SVIP: variants seen among roughly 807,000 people sequenced by gnomAD.
SVIP encodes small VCP interacting protein.
In SVIP, 14 loss-of-function variants were observed where a neutral mutation model predicts 12.9. The observed-to-expected ratio is 1.08, with a 90% CI of 0.72 to 1.70. The LOEUF is 1.70. Among genes scored for constraint, SVIP ranks in the 40% most tolerant of loss-of-function variants. The pLI, the probability that SVIP is intolerant of heterozygous loss-of-function variation, is 0.00. For missense variants in SVIP, 93 were observed against 90.8 expected (o/e 1.02, Z -0.10); for synonymous variants, 35 against 33.3 (o/e 1.05, Z -0.17).
At chr11:22,827,678 A>T in intron 2 of SVIP, 146 bp downstream of exon 2, 1 of 518,934 alleles carries the variant, frequency 1.9e-6, no homozygotes, top group South Asian at 3.1e-5. Flanking sequence ...TAAATAAGGA[A>T]ATCATTTTGA....
chr11:22,823,737 G>A (rs1056553898), intron 3 of SVIP, among the ~76,000 whole-genome samples: 1 of 152,052 alleles, frequency 6.6e-6, no homozygotes, highest in African/African-American at 2.4e-5. Flanking sequence ...GTTTTGTTTT[G>A]GGATTTTCTT....
chr11:22,822,226 TG>T lies in SVIP; in HGVS notation c.*892del, dbSNP rs373546642. ...ACCTTTTGTAAGTACAGTACCTACA[TG>T]TTTTTTTCATACATTCATACTTGCC... On this transcript the variant is annotated 3_prime_UTR_variant, in exon 4 of 4. Transcript: ENST00000354193. 1.9e-3 allele frequency: 289 copies of T among 152,296 alleles called. 2 individuals carry two copies. Among genetic ancestry groups the T allele is most frequent in the African/African-American group, 6.8e-3 (282 of 41,578 alleles). 9.4% of individuals were successfully genotyped at this position (152,296 alleles called of 1,614,324 possible).
intron 1 of SVIP, among the ~76,000 whole-genome samples, chr11:22,828,438 C>T (rs1857807597): frequency 6.6e-6 from 1 of 152,118 alleles, no homozygotes; most frequent in African/African-American, 2.4e-5. Context: ...TGTCTCCTCC[C>T]AAATGAAACA....
At chr11:22,828,562 T>G (rs1484839693) in intron 1 of SVIP, among the ~76,000 whole-genome samples, 1 of 152,118 alleles carries the variant, frequency 6.6e-6, no homozygotes, top group Non-Finnish European at 1.5e-5. Flanking sequence ...GAATATATTT[T>G]GTTTAACGTG....
chr11:22,824,919 C>T (rs2134754819), intron 3 of SVIP, among the ~76,000 whole-genome samples: 1 of 152,234 alleles, frequency 6.6e-6, no homozygotes, highest in African/African-American at 2.4e-5. Context: ...AGCCATTGTA[C>T]TAGAGGTCTA....
In SVIP at chr11:22,824,738, C is replaced by T. The variant is rs549112160; in HGVS notation, c.220-1605G>A. On this transcript the variant is annotated intron_variant, in intron 3 of 3. Transcript: ENST00000354193. Reference sequence around the variant, plus strand: ...TCTCTCTTAGGACAAGTGTTATAAACGCTAGGATAGTGATTCTCAATCTGG... The same window carrying T: ...TCTCTCTTAGGACAAGTGTTATAAATGCTAGGATAGTGATTCTCAATCTGG... 8.5e-5 allele frequency among the ~76,000 whole-genome samples: 13 copies of T among 152,096 alleles called. No individual in the cohort carries two copies. In the South Asian group the frequency reaches 1.2e-3, roughly 15 times the overall value.
rs1251236710 is a variant in SVIP, at chr11:22,819,176, G to A, written c.*3943C>T. ...TGAGAATTTTCTACCTGAGACACTT[G>A]GTATTAACCTACTTTAAATATATCT... On this transcript the variant is annotated 3_prime_UTR_variant, in exon 4 of 4. Coordinates refer to ENST00000354193, the MANE Select transcript of SVIP (RefSeq NM_148893.3). 1 of 151,988 alleles carries A rather than the reference G, an allele frequency of 6.6e-6. No individual in the cohort carries two copies. The highest frequency in any genetic ancestry group is 2.4e-5 in the African/African-American group (1 of 41,376). 9.4% of individuals were successfully genotyped at this position (151,988 alleles called of 1,614,324 possible).
At chr11:22,823,732 G>C (rs1057006364) in intron 3 of SVIP, among the ~76,000 whole-genome samples, 1 of 152,094 alleles carries the variant, frequency 6.6e-6, no homozygotes, top group Non-Finnish European at 1.5e-5. Flanking sequence ...TTTTGGTTTT[G>C]TTTTGGGATT....
intron 3 of SVIP, among the ~76,000 whole-genome samples, chr11:22,825,420 A>C (rs1024045318): frequency 2.0e-5 from 3 of 152,124 alleles, no homozygotes; most frequent in Non-Finnish European, 4.4e-5. Context: ...GTGATGAGGA[A>C]TATTCCAAGG....
rs2134739770 is a variant in SVIP at position 22,821,246 on chromosome 11, C to G, written c.*1873G>C. 6.6e-6 allele frequency: 1 copy of G among 151,220 alleles called. No individual in the cohort carries two copies. The highest frequency in any genetic ancestry group is 2.1e-4 in the South Asian group (1 of 4,804). The allele number at this position is 151,220 out of a possible 1,614,324, so 9.4% of individuals were successfully genotyped here. On this transcript the variant is annotated 3_prime_UTR_variant, in exon 4 of 4. Transcript: ENST00000354193. ...GTCACTTCTTTTCCCTTGCCCTTTC[C>G]TAACACTGTTCCTAACATTTGGGTA...
chr11:22,824,471 T>TAC (rs1448302489), intron 3 of SVIP, among the ~76,000 whole-genome samples: 1 of 145,170 alleles, frequency 6.9e-6, no homozygotes, highest in Non-Finnish European at 1.5e-5. Flanking sequence ...CACATATATA[T>TAC]ACGTATATAT....
intron 3 of SVIP, among the ~76,000 whole-genome samples, chr11:22,826,818 G>A (rs141435733): frequency 3.3e-4 from 50 of 152,150 alleles, no homozygotes; most frequent in Admixed American, 5.2e-4. Flanking sequence ...AACTTATAGC[G>A]TAATCCAATT....
chr11:22,821,663 A>G lies in SVIP; in HGVS notation c.*1456T>C, dbSNP rs1857490971. On this transcript the variant is annotated 3_prime_UTR_variant, in exon 4 of 4. Transcript: ENST00000354193. ...CATTTTAATAAAATCAAAAATTTTC[A>G]TTCTAAAATATAGTTCAATGATTTC... 1 of 152,206 alleles carries G rather than the reference A, an allele frequency of 6.6e-6. No individual in the cohort carries two copies. Among genetic ancestry groups the G allele is most frequent in the Non-Finnish European group, 1.5e-5 (1 of 68,026 alleles). The allele number at this position is 152,206 out of a possible 1,614,324, so 9.4% of individuals were successfully genotyped here. A position where few individuals can be genotyped will look rare whatever the true frequency, so the allele number is the denominator to read the frequency against.
rs1385052243 is a variant in SVIP, at chr11:22,820,277, G to A, written c.*2842C>T. The A allele has an allele frequency of 1.3e-5, 2 of 152,148 alleles. No individual in the cohort carries two copies. Among genetic ancestry groups the A allele is most frequent in the African/African-American group, 4.8e-5 (2 of 41,438 alleles). The allele number at this position is 152,148 out of a possible 1,614,324, so 9.4% of individuals were successfully genotyped here. On this transcript the variant is annotated 3_prime_UTR_variant, in exon 4 of 4. Coordinates refer to ENST00000354193, the MANE Select transcript of SVIP (RefSeq NM_148893.3). ...TAAGAACATAGCATAATGCTTATCA[G>A]TGAAAATAAAAAGTCAAACATTTGG...
At chr11:22,828,920 C>T (rs1314218264) in intron 1 of SVIP, among the ~76,000 whole-genome samples, 3 of 152,166 alleles carry the variant, frequency 2.0e-5, no homozygotes, top group Non-Finnish European at 2.9e-5. Context: ...TGTAAAGATA[C>T]TGTTAACAGA....
At chr11:22,824,896 A>C (rs1169186424) in intron 3 of SVIP, among the ~76,000 whole-genome samples, 1 of 152,134 alleles carries the variant, frequency 6.6e-6, no homozygotes, top group Non-Finnish European at 1.5e-5. Context: ...TCCAACATGC[A>C]GCTAAGGTGG....
At chr11:22,829,638 C>G in intron 1 of SVIP, 57 bp downstream of exon 1, 2 of 1,520,534 alleles carry the variant, frequency 1.3e-6, no homozygotes, top group East Asian at 2.5e-5. Flanking sequence ...CGCCCCGCAA[C>G]CCGAGGACAG....
At chr11:22,829,439 T>C (rs528155574) in intron 1 of SVIP, 146 of 410,560 alleles carry the variant, frequency 3.6e-4, no homozygotes, top group Middle Eastern at 6.3e-4. Context: ...CTAAAGTCAG[T>C]GGAAGGTAGA....
At chr11:22,829,653 T>G (rs1300415971) in intron 1 of SVIP, 42 bp downstream of exon 1, 2 of 1,550,528 alleles carry the variant, frequency 1.3e-6, no homozygotes, top group African/African-American at 1.4e-5. Context: ...GGACAGGTGC[T>G]CAAGGCGCGG....
Sources: gnomAD v4.1 joint callset for allele counts (sites outside exome capture counted in the v4.1 genomes callset) on GRCh38, gnomAD v4.1.1 for gene constraint, MANE v1.5 for transcripts, NCBI Gene and HGNC (gene_info 2026-07-23, HGNC 2026-07-21) for gene names.